The following USH2A variants were observed in gnomAD, a reference collection of about 807,000 sequenced individuals.
USH2A encodes the protein Usher syndrome 2A (autosomal recessive, mild).
A neutral mutation model predicts 538.9 loss-of-function variants in USH2A; 443 were observed. That is an observed-to-expected ratio of 0.82 (90% CI 0.76 to 0.89). The LOEUF (loss-of-function observed/expected upper bound fraction) is 0.89, where lower values mean the gene tolerates loss of function less well. Among genes scored for constraint, USH2A ranks in the 40% least tolerant of loss-of-function variants. The probability of loss-of-function intolerance (pLI) is 0.00; values close to 1 mark genes in which losing one functional copy is unlikely to be tolerated. For synonymous variants in USH2A, 2,413 were observed against 2,273.5 expected (o/e 1.06, Z -1.75); for missense variants, 6,633 against 6,324.8 (o/e 1.05, Z -1.65).
At chr1:215,792,822 A>T (rs896756792) in intron 50 of USH2A, among the ~76,000 whole-genome samples, 2 of 152,224 alleles carry the variant, frequency 1.3e-5, no homozygotes, top group Non-Finnish European at 2.9e-5. Context: ...GATTTTAAAT[A>T]TGCCCAAAGA....
chr1:216,269,253 T>G (rs1453130996), intron 11 of USH2A, among the ~76,000 whole-genome samples: 1 of 152,076 alleles, frequency 6.6e-6, no homozygotes, highest in Non-Finnish European at 1.5e-5. Context: ...TGTGCTGTTC[T>G]CATGATAGTG....
intron 3 of USH2A, among the ~76,000 whole-genome samples, chr1:216,377,850 A>G (rs368584494): frequency 8.5e-5 from 12 of 140,538 alleles, no homozygotes; most frequent in African/African-American, 2.2e-4. Context: ...AAAGAAAGAA[A>G]GAAAGAAAGA....
intron 61 of USH2A, among the ~76,000 whole-genome samples, chr1:215,720,592 C>T (rs1442386352): frequency 6.6e-6 from 1 of 152,122 alleles, no homozygotes; most frequent in African/African-American, 2.4e-5. Context: ...GCTGTACCTT[C>T]ATTATTTGGT....
intron 8 of USH2A, 56 bp downstream of exon 8, chr1:216,323,418 T>C: frequency 2.6e-6 from 4 of 1,544,852 alleles, no homozygotes; most frequent in Non-Finnish European, 3.6e-6. Context: ...CTTAATGTGC[T>C]GTTAAGACAG....
chr1:216,114,918 TA>T (rs2032967152), intron 21 of USH2A, among the ~76,000 whole-genome samples: 1 of 152,134 alleles, frequency 6.6e-6, no homozygotes, highest in Admixed American at 6.6e-5. Flanking sequence ...ACATAGATAT[TA>T]ATAGATATCT....
chr1:215,971,928 C>T (rs575035170), intron 35 of USH2A, among the ~76,000 whole-genome samples: 58 of 152,228 alleles, frequency 3.8e-4, no homozygotes, highest in African/African-American at 1.3e-3. Context: ...AGAGCACCGT[C>T]ATTTGTACAA....
At chr1:216,319,882 C>T (rs2037574088) in intron 9 of USH2A, among the ~76,000 whole-genome samples, 1 of 152,062 alleles carries the variant, frequency 6.6e-6, no homozygotes, top group Non-Finnish European at 1.5e-5. Flanking sequence ...TCTATAATAT[C>T]CTAAAATAAA....
intron 21 of USH2A, among the ~76,000 whole-genome samples, chr1:216,119,461 TAAC>T (rs1237369193): frequency 1.3e-5 from 2 of 151,650 alleles, no homozygotes; most frequent in East Asian, 3.9e-4. Flanking sequence ...ATGGTATACA[TAAC>T]AATATAACAT....
chr1:216,077,491 CTTAAT>C (rs1361781024), intron 27 of USH2A, among the ~76,000 whole-genome samples: 1 of 151,018 alleles, frequency 6.6e-6, no homozygotes, highest in Non-Finnish European at 1.5e-5. Context: ...TGCATACCAA[CTTAAT>C]TTATTTTTTC....
At chr1:216,344,861 A>G (rs1334438453) in intron 4 of USH2A, among the ~76,000 whole-genome samples, 2 of 150,854 alleles carry the variant, frequency 1.3e-5, no homozygotes, top group Non-Finnish European at 3.0e-5. Flanking sequence ...AGTCCCTCTC[A>G]GCTAATAATG....
intron 11 of USH2A, among the ~76,000 whole-genome samples, chr1:216,285,382 T>C (rs903893977): frequency 2.0e-5 from 3 of 152,224 alleles, no homozygotes; most frequent in African/African-American, 4.8e-5. Context: ...GTGTTGGGCC[T>C]GCAGGTGTGC....
chr1:215,846,603 T>A (rs549268385), intron 44 of USH2A, among the ~76,000 whole-genome samples: 11 of 152,324 alleles, frequency 7.2e-5, no homozygotes, highest in African/African-American at 2.4e-4. Context: ...AAAAGTCTCA[T>A]CTTTTTAATT....
intron 4 of USH2A, among the ~76,000 whole-genome samples, chr1:216,339,054 G>A (rs903983277): frequency 2.0e-5 from 3 of 151,424 alleles, no homozygotes; most frequent in Non-Finnish European, 4.4e-5. Context: ...TGCACACAAG[G>A]AGACATACAA....
chr1:215,776,975 A>C (rs1661485059), intron 55 of USH2A, among the ~76,000 whole-genome samples: 1 of 152,158 alleles, frequency 6.6e-6, no homozygotes, highest in Non-Finnish European at 1.5e-5. Context: ...TTTATTCTAC[A>C]AAGAAACCCC....
intron 55 of USH2A, among the ~76,000 whole-genome samples, chr1:215,771,613 A>AAAAAAAAAAAAT: frequency 7.1e-6 from 1 of 141,378 alleles, no homozygotes. Context: ...AAAAAAAAAA[A>AAAAAAAAAAAAT]AAAAAAAAAA....
intron 36 of USH2A, among the ~76,000 whole-genome samples, chr1:215,968,390 G>A (rs1238033837): frequency 6.6e-6 from 1 of 151,700 alleles, no homozygotes; most frequent in Non-Finnish European, 1.5e-5. Flanking sequence ...TTTCCAGATA[G>A]GTACAGGGCA....
chr1:215,903,279 G>T (rs1665550232), intron 38 of USH2A, among the ~76,000 whole-genome samples: 1 of 152,098 alleles, frequency 6.6e-6, no homozygotes, highest in South Asian at 2.1e-4. Context: ...GTGCAGTGCT[G>T]GGCATAGCAG....
chr1:215,865,733 C>A (rs1382147149), intron 44 of USH2A, among the ~76,000 whole-genome samples: 1 of 152,156 alleles, frequency 6.6e-6, no homozygotes, highest in Non-Finnish European at 1.5e-5. Flanking sequence ...CATTAGAAAC[C>A]TGCAGCCTTA....
chr1:216,153,884 G>A (rs2033888504), intron 21 of USH2A, among the ~76,000 whole-genome samples: 1 of 152,166 alleles, frequency 6.6e-6, no homozygotes, highest in African/African-American at 2.4e-5. Flanking sequence ...TTTTAAGTGA[G>A]GGTCAAATTG....
Sources: gnomAD v4.1 joint callset for allele counts (sites outside exome capture counted in the v4.1 genomes callset) on GRCh38, gnomAD v4.1.1 for gene constraint, MANE v1.5 for transcripts, NCBI Gene and HGNC (gene_info 2026-07-23, HGNC 2026-07-21) for gene names.